Variants in UBE2R2 observed in about 807,000 individuals in gnomAD.
UBE2R2 encodes the protein ubiquitin conjugating enzyme E2 R2, also known as ubiquitin-conjugating enzyme E2 R2.
UBE2R2 carries 1 observed loss-of-function variant against 27.8 expected under a neutral mutation model. The ratio of observed to expected loss-of-function variants is 0.04; its 90% CI spans 0.01 to 0.17. UBE2R2 has a LOEUF of 0.17. UBE2R2 is among the 10% of genes least tolerant of loss of function. The pLI, the probability that UBE2R2 is intolerant of heterozygous loss-of-function variation, is 1.00. For missense variants in UBE2R2, 100 were observed against 291.0 expected (o/e 0.34, Z 4.78); for synonymous variants, 106 against 113.3 (o/e 0.94, Z 0.41).
chr9:33,860,119 T>A (rs56406036), intron 1 of UBE2R2, among the ~76,000 whole-genome samples: 20,919 of 113,658 alleles, frequency 0.18, 1,589 homozygotes, highest in African/African-American at 0.22. Context: ...TTTTTTTTTT[T>A]AAAAAAATAG....
chr9:33,834,925 CAAAAGAAAAG>C (rs893258054), intron 1 of UBE2R2, among the ~76,000 whole-genome samples: 1 of 92,296 alleles, frequency 1.1e-5, no homozygotes, highest in Non-Finnish European at 2.2e-5. Flanking sequence ...AAAAAAAAAA[CAAAAGAAAAG>C]AAAAGAAAAG....
intron 1 of UBE2R2, among the ~76,000 whole-genome samples, chr9:33,842,110 T>G (rs2130740869): frequency 6.6e-6 from 1 of 152,264 alleles, no homozygotes; most frequent in Non-Finnish European, 1.5e-5. Context: ...TTAAAGATAC[T>G]ATATTTAGGG....
chr9:33,917,051 A>T lies in UBE2R2; in HGVS notation c.531A>T (p.Glu177Asp), dbSNP rs771516938. The change falls in exon 5 of 5, where the codon GAA (glutamate) becomes GAT (aspartate). Residue 177 changes from glutamate (E) to aspartate (D), a missense_variant. Glu to Asp is a conservative substitution (Grantham distance 45). This residue lies in a region of UBE2R2 where 55 missense variants were observed against 122.6 expected (regional missense o/e 0.45). Coordinates refer to ENST00000263228, the MANE Select transcript of UBE2R2 (RefSeq NM_017811.4). ...TTTCAGCCACTAAGGCCGAAGCAGA[A>T]AAGGATGGAGTGAAGGTCCCCACAA... ...KQVSATKAEA[E>D]KDGVKVPTTL... 3.1e-6 allele frequency: 5 copies of T among 1,614,254 alleles called. No homozygotes were observed. In the East Asian group the frequency reaches 1.1e-4, roughly 36 times the overall value.
At chr9:33,838,428 G>GTT (rs1233002260) in intron 1 of UBE2R2, among the ~76,000 whole-genome samples, 1 of 151,434 alleles carries the variant, frequency 6.6e-6, no homozygotes, top group East Asian at 1.9e-4. Flanking sequence ...TGCATGGACT[G>GTT]TTTTCTTCAC....
intron 3 of UBE2R2, among the ~76,000 whole-genome samples, chr9:33,909,622 T>C (rs561479811): frequency 2.0e-5 from 3 of 152,270 alleles, no homozygotes; most frequent in African/African-American, 7.2e-5. Flanking sequence ...GGTTTCACCA[T>C]GTTAGCCAGG....
Position 33,863,171 on chromosome 9 carries a change from A to G in UBE2R2, c.178-23710A>G, listed in dbSNP as rs952729994. On this transcript the variant is annotated intron_variant, in intron 1 of 4. Coordinates refer to ENST00000263228, the MANE Select transcript of UBE2R2 (RefSeq NM_017811.4). Reference sequence around the variant, plus strand: ...CCACTGCACTCCTGCAGCCTGTGCAACAGAGCGAGACTCCCTCAAAAAAAA... The same window carrying G: ...CCACTGCACTCCTGCAGCCTGTGCAGCAGAGCGAGACTCCCTCAAAAAAAA... Among the ~76,000 whole-genome samples the G allele has an allele frequency of 1.9e-4, 27 of 144,264 alleles. 1 individual carries two copies. Among genetic ancestry groups the G allele is most frequent in the African/African-American group, 6.5e-4 (25 of 38,254 alleles). The allele number at this position is 144,264 out of a possible 152,430, so 94.6% of individuals were successfully genotyped here. A position where few individuals can be genotyped will look rare whatever the true frequency, so the allele number is the denominator to read the frequency against.
intron 2 of UBE2R2, among the ~76,000 whole-genome samples, chr9:33,892,822 A>G (rs1822018990): frequency 6.6e-6 from 1 of 152,106 alleles, no homozygotes; most frequent in East Asian, 1.9e-4. Flanking sequence ...GGAAATTTTT[A>G]TTTAATTGGA....
chr9:33,896,003 C>A (rs1034699158), intron 2 of UBE2R2, among the ~76,000 whole-genome samples: 1 of 151,884 alleles, frequency 6.6e-6, no homozygotes, highest in Non-Finnish European at 1.5e-5. Flanking sequence ...GAACTCCTGG[C>A]CTCAAGTGAT....
chr9:33,816,164 CTG>C (rs1397625900), upstream of UBE2R2, among the ~76,000 whole-genome samples: 5 of 152,308 alleles, frequency 3.3e-5, no homozygotes, highest in East Asian at 9.6e-4. Context: ...AGTTCCGAAA[CTG>C]TGTGTGTAGA....
intron 2 of UBE2R2, among the ~76,000 whole-genome samples, chr9:33,891,555 G>A (rs1194499904): frequency 6.6e-6 from 1 of 151,994 alleles, no homozygotes; most frequent in East Asian, 2.0e-4. Flanking sequence ...GCTGAGGCAT[G>A]AGAATCGCTT....
chr9:33,869,273 A>G (rs1176355559), intron 1 of UBE2R2, among the ~76,000 whole-genome samples: 4 of 152,080 alleles, frequency 2.6e-5, no homozygotes, highest in Non-Finnish European at 5.9e-5. Context: ...AAAACAAACA[A>G]AAACATGTAA....
chr9:33,897,297 A>G (rs1052040195), intron 2 of UBE2R2, among the ~76,000 whole-genome samples: 2 of 147,294 alleles, frequency 1.4e-5, no homozygotes, highest in African/African-American at 5.0e-5. Context: ...CGGCCTCCCA[A>G]AGTGCTGGGA....
At chr9:33,820,710 T>C (rs940138011) in intron 1 of UBE2R2, among the ~76,000 whole-genome samples, 1 of 152,250 alleles carries the variant, frequency 6.6e-6, no homozygotes, top group African/African-American at 2.4e-5. Flanking sequence ...TTTCCCTTTT[T>C]GGCATAGTCA....
upstream of UBE2R2, among the ~76,000 whole-genome samples, chr9:33,816,761 A>G (rs375840657): frequency 2.1e-4 from 32 of 152,282 alleles, no homozygotes; most frequent in East Asian, 4.5e-3. Context: ...CCGTCCCAGG[A>G]TGGCTGCGGA....
intron 1 of UBE2R2, among the ~76,000 whole-genome samples, chr9:33,871,998 C>T (rs1364581556): frequency 6.6e-6 from 1 of 152,088 alleles, no homozygotes; most frequent in Non-Finnish European, 1.5e-5. Context: ...AGGTGTGAGC[C>T]ACTGCACCCG....
At chr9:33,886,033 A>G (rs1267989655) in intron 1 of UBE2R2, among the ~76,000 whole-genome samples, 2 of 152,212 alleles carry the variant, frequency 1.3e-5, no homozygotes, top group African/African-American at 4.8e-5. Context: ...TGTAAAGAGA[A>G]TATTTTATGG....
chr9:33,821,373 G>T (rs1825978796), intron 1 of UBE2R2, among the ~76,000 whole-genome samples: 1 of 151,984 alleles, frequency 6.6e-6, no homozygotes, highest in Admixed American at 6.6e-5. Flanking sequence ...GTCCAGGCTG[G>T]TCTCAAACTC....
chr9:33,872,037 T>C (rs1821495723), intron 1 of UBE2R2, among the ~76,000 whole-genome samples: 1 of 152,052 alleles, frequency 6.6e-6, no homozygotes, highest in African/African-American at 2.4e-5. Context: ...TTGAGACAGC[T>C]GATATATAGG....
chr9:33,836,608 T>G (rs1347314398), intron 1 of UBE2R2, among the ~76,000 whole-genome samples: 1 of 151,996 alleles, frequency 6.6e-6, no homozygotes, highest in Non-Finnish European at 1.5e-5. Context: ...ATACAAAAAA[T>G]TAGCCAGACA....
Sources: allele counts gnomAD v4.1 joint callset (sites outside exome capture counted in the v4.1 genomes callset), GRCh38; gene constraint gnomAD v4.1.1; regional missense constraint gnomAD v4.1.1; transcripts MANE v1.5; gene names NCBI Gene and HGNC (gene_info 2026-07-23, HGNC 2026-07-21).